Variants in NTNG2 observed in about 807,000 individuals in gnomAD.
NTNG2 encodes netrin G2.
NTNG2 carries 15 observed loss-of-function variants against 47.6 expected under a neutral mutation model. The observed-to-expected ratio is 0.32, with a 90% CI of 0.21 to 0.49. The LOEUF (loss-of-function observed/expected upper bound fraction) is 0.49. Ranked by LOEUF, NTNG2 falls within the 20% of genes least tolerant of loss-of-function variation. The probability of loss-of-function intolerance (pLI) is 0.99; values close to 1 mark genes in which losing one functional copy is unlikely to be tolerated. For synonymous variants in NTNG2, 307 were observed against 324.6 expected (o/e 0.95, Z 0.58); for missense variants, 578 against 764.6 (o/e 0.76, Z 2.88).
At chr9:132,216,428 ATGTG>A (rs10578395) in intron 3 of NTNG2, among the ~76,000 whole-genome samples, 38,035 of 87,536 alleles carry the variant, frequency 0.43, 5,809 homozygotes, top group Non-Finnish European at 0.51. Context: ...GTGTGTGTGT[ATGTG>A]TGTGTGTGTG....
At chr9:132,196,945 G>C (rs1019957709) in intron 2 of NTNG2, among the ~76,000 whole-genome samples, 10 of 152,176 alleles carry the variant, frequency 6.6e-5, no homozygotes, top group African/African-American at 2.4e-4. Flanking sequence ...ACGGAACTCA[G>C]AAAGGCATTT....
Position 132,239,125 on chromosome 9 carries a change from C to T in NTNG2, c.1076C>T (p.Ser359Phe). 6.2e-7 allele frequency: 1 copy of T among 1,613,586 alleles called. No individual in the cohort carries two copies. Among genetic ancestry groups the T allele is most frequent in the Non-Finnish European group, 8.5e-7 (1 of 1,179,602 alleles). The change falls in exon 6 of 8, where the codon TCC becomes TTC. Residue 359 changes from serine (S) to phenylalanine (F), a missense_variant. Physicochemically the swap from Ser to Phe is radical, Grantham distance 155. Coordinates refer to ENST00000393229, the MANE Select transcript of NTNG2 (RefSeq NM_032536.4). ...SFGNCECYGH[S>F]NRCSYIDFLN... ...CCAGACTGCGAATGCTACGGTCACT[C>T]CAACCGCTGCAGCTACATTGACTTC...
At chr9:132,237,004 G>A (rs527848736) in intron 5 of NTNG2, among the ~76,000 whole-genome samples, 1 of 152,324 alleles carries the variant, frequency 6.6e-6, no homozygotes, top group Non-Finnish European at 1.5e-5. Flanking sequence ...GAGAGGCGGT[G>A]GGGAGAGCAA....
intron 2 of NTNG2, among the ~76,000 whole-genome samples, chr9:132,185,896 A>AGGAGGAGGAGGGGG: frequency 7.0e-6 from 1 of 142,608 alleles, no homozygotes; most frequent in East Asian, 2.5e-4. Context: ...GGAGGAGGGA[A>AGGAGGAGGAGGGGG]AGGAGGAGGA....
At chr9:132,190,544 G>A (rs1291531058) in intron 2 of NTNG2, among the ~76,000 whole-genome samples, 1 of 152,142 alleles carries the variant, frequency 6.6e-6, no homozygotes, top group Admixed American at 6.6e-5. Context: ...CTTAGTCAGG[G>A]GCCTGGAAGT....
At chr9:132,241,355 T>C in intron 7 of NTNG2, 1 of 361,236 alleles carries the variant, frequency 2.8e-6, no homozygotes, top group East Asian at 5.7e-5. Context: ...GAGACGGAGC[T>C]GGCAGGTGGG....
Position 132,166,806 on chromosome 9 carries a change from G to A in NTNG2, c.-26G>A, listed in dbSNP as rs779919289. On this transcript the variant is annotated 5_prime_UTR_variant, in exon 2 of 8. Coordinates refer to ENST00000393229, the MANE Select transcript of NTNG2 (RefSeq NM_032536.4). ...CGCTGCCTCTCCAGGGCTTCTCTGG[G>A]CCGCGCCTCTGCAGACTGCGCAGCC... 2 of 1,610,892 alleles carry A rather than the reference G, an allele frequency of 1.2e-6. No homozygotes were observed. Among genetic ancestry groups the A allele is most frequent in the Non-Finnish European group, 1.7e-6 (2 of 1,178,568 alleles).
intron 3 of NTNG2, among the ~76,000 whole-genome samples, chr9:132,202,224 G>A (rs550888041): frequency 2.5e-4 from 38 of 152,348 alleles, no homozygotes; most frequent in African/African-American, 9.1e-4. Context: ...CAGCTCCAAG[G>A]GGGACCCCAA....
chr9:132,194,862 G>A (rs990251326), intron 2 of NTNG2, among the ~76,000 whole-genome samples: 4 of 152,246 alleles, frequency 2.6e-5, no homozygotes, highest in Non-Finnish European at 4.4e-5. Flanking sequence ...CAAAGGCTGC[G>A]GCTGCTGCAG....
intron 3 of NTNG2, among the ~76,000 whole-genome samples, chr9:132,203,059 G>A (rs1838903813): frequency 1.3e-5 from 2 of 152,276 alleles, no homozygotes; most frequent in South Asian, 2.1e-4. Context: ...GAGGCTTGGG[G>A]TCAGGGCTGC....
intron 6 of NTNG2, among the ~76,000 whole-genome samples, chr9:132,239,715 T>C (rs1460229701): frequency 6.6e-6 from 1 of 152,232 alleles, no homozygotes; most frequent in Non-Finnish European, 1.5e-5. Context: ...AGGGGCCCAG[T>C]TGGGGGCCAA....
intron 2 of NTNG2, among the ~76,000 whole-genome samples, chr9:132,173,459 C>G (rs1836091369): frequency 6.6e-6 from 1 of 152,208 alleles, no homozygotes; most frequent in Non-Finnish European, 1.5e-5. Context: ...GGACATCTTT[C>G]CAAAGAATGT....
chr9:132,231,386 A>T lies in NTNG2; in HGVS notation c.1054+791A>T, dbSNP rs922160289. On this transcript the variant is annotated intron_variant, in intron 5 of 7. Transcript: ENST00000393229. The surrounding 1 kb of genome is among the most constrained non-coding windows in gnomAD (Gnocchi z 4.1). Reference sequence around the variant, plus strand: ...ATGTCAAAGAGCCAGCCGGGAGCAGACCCCAAATCTCAGAGATGCTTCTGG... The same window carrying T: ...ATGTCAAAGAGCCAGCCGGGAGCAGTCCCCAAATCTCAGAGATGCTTCTGG... The T allele has an allele frequency of 1.3e-5, 6 of 454,342 alleles. No homozygotes were observed. Among genetic ancestry groups the T allele is most frequent in the African/African-American group, 6.0e-5 (3 of 49,878 alleles). 28.1% of individuals were successfully genotyped at this position (454,342 alleles called of 1,614,324 possible).
intron 2 of NTNG2, among the ~76,000 whole-genome samples, chr9:132,173,639 G>A (rs543853746): frequency 6.6e-6 from 1 of 152,382 alleles, no homozygotes; most frequent in South Asian, 2.1e-4. Flanking sequence ...GCAGGCAGTG[G>A]ATGGATGGAC....
chr9:132,223,566 A>C (rs541028040), intron 3 of NTNG2, among the ~76,000 whole-genome samples: 1 of 152,140 alleles, frequency 6.6e-6, no homozygotes, highest in South Asian at 2.1e-4. Context: ...TCCTCAAAAC[A>C]ATCTCTGAAT....
chr9:132,225,469 T>C (rs1840686746), intron 3 of NTNG2, among the ~76,000 whole-genome samples: 2 of 152,006 alleles, frequency 1.3e-5, no homozygotes, highest in Admixed American at 6.6e-5. Flanking sequence ...AGGATCTTAC[T>C]ATGTTACCCA....
At chr9:132,207,592 G>A (rs7026497) in intron 3 of NTNG2, among the ~76,000 whole-genome samples, 68,490 of 152,004 alleles carry the variant, frequency 0.45, 15,632 homozygotes, top group Middle Eastern at 0.52. Context: ...ACAAAACCCC[G>A]TTTCCATGTA....
In NTNG2 at chr9:132,186,465, G is replaced by A. The variant is rs151162836; in HGVS notation, c.214-11501G>A. On this transcript the variant is annotated intron_variant, in intron 2 of 7. Transcript: ENST00000393229. ...GCCAGAGCCATGGCAATGCCTCCCC[G>A]CCCACCACACTCTGGTGGTTCGGCT... Among the ~76,000 whole-genome samples, 425 of 152,304 alleles carry A rather than the reference G, an allele frequency of 2.8e-3. 5 individuals carry two copies. The East Asian group carries it at 0.029, about 10-fold the overall frequency.
In NTNG2 at chr9:132,162,618, CG is replaced by C. The variant is rs1379502804; in HGVS notation, c.-484+383del. ...TGTGTGTGTGTGTGTGTGTGTGTGT[CG>C]GGGAGGGATGTTGCAAGGATGCTCG... On this transcript the variant is annotated intron_variant, in intron 1 of 7. Coordinates refer to ENST00000393229, the MANE Select transcript of NTNG2 (RefSeq NM_032536.4). This position sits in a 1 kb window ranked among gnomAD's most constrained non-coding sequence, Gnocchi z 4.6. Among the ~76,000 whole-genome samples the C allele has an allele frequency of 1.9e-5, 1 of 53,120 alleles. No individual in the cohort carries two copies. Among genetic ancestry groups the C allele is most frequent in the African/African-American group, 7.3e-5 (1 of 13,642 alleles). The allele number at this position is 53,120 out of a possible 152,430, so 34.8% of individuals were successfully genotyped here. A position where few individuals can be genotyped will look rare whatever the true frequency, so the allele number is the denominator to read the frequency against.
Sources: allele counts gnomAD v4.1 joint callset (sites outside exome capture counted in the v4.1 genomes callset), GRCh38; gene constraint gnomAD v4.1.1; non-coding constraint Gnocchi (gnomAD v3.1); transcripts MANE v1.5; gene names NCBI Gene and HGNC (gene_info 2026-07-23, HGNC 2026-07-21).